PTPRG: variants seen among roughly 807,000 people sequenced by gnomAD.
PTPRG encodes the protein receptor-type tyrosine-protein phosphatase gamma.
PTPRG carries 102 observed loss-of-function variants against 165.3 expected under a neutral mutation model. The ratio of observed to expected loss-of-function variants is 0.62; its 90% CI spans 0.53 to 0.73. The LOEUF is 0.73. Ranked by LOEUF, PTPRG falls within the 30% of genes least tolerant of loss-of-function variation. The pLI is 0.00. For synonymous variants in PTPRG, 675 were observed against 669.5 expected, an observed-to-expected ratio of 1.01 and a Z score of -0.13; for missense variants, 1,866 against 1,861.4, an observed-to-expected ratio of 1.00 and a Z score of -0.05.
chr3:61,967,240 G>A (rs1013021778), intron 2 of PTPRG, among the ~76,000 whole-genome samples: 4 of 152,290 alleles, frequency 2.6e-5, no homozygotes, highest in Middle Eastern at 3.4e-3. Context: ...CGCACATCTG[G>A]TTGGGAGATG....
chr3:62,294,425 C>T lies in PTPRG; in HGVS notation c.*1118C>T, dbSNP rs1702998002. 1.3e-5 allele frequency: 2 copies of T among 152,200 alleles called. No homozygotes were observed. The highest frequency in any genetic ancestry group is 4.8e-5 in the African/African-American group (2 of 41,536). The allele number at this position is 152,200 out of a possible 1,614,324, so 9.4% of individuals were successfully genotyped here. On this transcript the variant is annotated 3_prime_UTR_variant, in exon 30 of 30. Coordinates refer to ENST00000474889, the MANE Select transcript of PTPRG (RefSeq NM_002841.4). ...TCTTGGGACTATCTAAACTCCCACA[C>T]ATAGATAAATCTGATTTGGAGAGAG...
At chr3:61,996,463 G>A (rs920072830) in intron 3 of PTPRG, among the ~76,000 whole-genome samples, 1 of 152,098 alleles carries the variant, frequency 6.6e-6, no homozygotes, top group Non-Finnish European at 1.5e-5. Flanking sequence ...TGGCACTGAT[G>A]AATAGGTCAT....
chr3:62,159,586 G>A (rs1704668902), intron 7 of PTPRG, among the ~76,000 whole-genome samples: 1 of 152,124 alleles, frequency 6.6e-6, no homozygotes, highest in Non-Finnish European at 1.5e-5. Context: ...CTGAGAAAGT[G>A]CTTTTTAAAT....
At chr3:61,621,218 T>C (rs964360251) in intron 1 of PTPRG, among the ~76,000 whole-genome samples, 2 of 152,090 alleles carry the variant, frequency 1.3e-5, no homozygotes, top group African/African-American at 4.8e-5. Flanking sequence ...AATTGTCTTA[T>C]GCACCCCTGG....
chr3:62,236,549 C>G (rs1192224091), intron 14 of PTPRG, among the ~76,000 whole-genome samples: 1 of 152,166 alleles, frequency 6.6e-6, no homozygotes, highest in African/African-American at 2.4e-5. Context: ...GTGTGTAAAT[C>G]AGTTAAGATT....
intron 2 of PTPRG, among the ~76,000 whole-genome samples, chr3:61,773,167 G>A (rs113596109): frequency 2.0e-5 from 3 of 152,288 alleles, no homozygotes; most frequent in African/African-American, 7.2e-5. Flanking sequence ...GGGGTTGAAT[G>A]TATGCAATAA....
chr3:62,263,299 C>A, intron 17 of PTPRG: 1 of 182,106 alleles, frequency 5.5e-6, no homozygotes, highest in Non-Finnish European at 1.1e-5. Flanking sequence ...TCAAAGCATT[C>A]TTTCAAAGAC....
At chr3:62,218,601 C>T (rs1700569955) in intron 12 of PTPRG, among the ~76,000 whole-genome samples, 1 of 152,168 alleles carries the variant, frequency 6.6e-6, no homozygotes, top group African/African-American at 2.4e-5. Flanking sequence ...TCTAAAAACA[C>T]CTTCAACTGT....
At chr3:61,834,031 G>C (rs937722963) in intron 2 of PTPRG, among the ~76,000 whole-genome samples, 1 of 152,178 alleles carries the variant, frequency 6.6e-6, no homozygotes, top group Non-Finnish European at 1.5e-5. Flanking sequence ...ATGGAGGTCA[G>C]CTTAGGATTT....
intron 5 of PTPRG, among the ~76,000 whole-genome samples, chr3:62,112,766 A>G (rs571425904): frequency 1.3e-5 from 2 of 152,194 alleles, no homozygotes; most frequent in African/African-American, 4.8e-5. Flanking sequence ...AAACATTACC[A>G]TCTCCCTAAG....
chr3:61,683,994 G>A (rs895217650), intron 1 of PTPRG, among the ~76,000 whole-genome samples: 1 of 152,304 alleles, frequency 6.6e-6, no homozygotes, highest in Middle Eastern at 3.4e-3. Context: ...CCATGGTACC[G>A]TAGGGCAAGC....
intron 1 of PTPRG, among the ~76,000 whole-genome samples, chr3:61,640,754 T>C (rs1702038846): frequency 6.6e-6 from 1 of 152,250 alleles, no homozygotes; most frequent in Non-Finnish European, 1.5e-5. Context: ...AATGTAGTAA[T>C]TTAATCAAGA....
intron 2 of PTPRG, among the ~76,000 whole-genome samples, chr3:61,970,188 G>A (rs2040351718): frequency 2.6e-5 from 4 of 152,168 alleles, no homozygotes; most frequent in Admixed American, 2.6e-4. Context: ...TTTACCCAGA[G>A]TAGGGTACCT....
intron 1 of PTPRG, among the ~76,000 whole-genome samples, chr3:61,714,798 T>G (rs925749297): frequency 2.0e-5 from 3 of 152,228 alleles, no homozygotes; most frequent in African/African-American, 7.2e-5. Flanking sequence ...TCCCTACCTC[T>G]GAACTGTATT....
intron 1 of PTPRG, among the ~76,000 whole-genome samples, chr3:61,711,193 C>T (rs1575603535): frequency 6.6e-6 from 1 of 152,252 alleles, no homozygotes; most frequent in South Asian, 2.1e-4. Context: ...TGGGTTGGTT[C>T]CAAGTCTTTG....
At chr3:61,577,900 G>A (rs1479529230) in intron 1 of PTPRG, among the ~76,000 whole-genome samples, 1 of 152,212 alleles carries the variant, frequency 6.6e-6, no homozygotes, top group Non-Finnish European at 1.5e-5. Flanking sequence ...GGTATGTTAG[G>A]ATAGCAGGTT....
At chr3:62,011,467 T>C (rs981463913) in intron 4 of PTPRG, among the ~76,000 whole-genome samples, 3 of 152,122 alleles carry the variant, frequency 2.0e-5, no homozygotes, top group South Asian at 2.1e-4. Context: ...AGCGTGGACG[T>C]GTTAGAGAGA....
chr3:61,959,174 A>T (rs1389050126), intron 2 of PTPRG, among the ~76,000 whole-genome samples: 1 of 152,172 alleles, frequency 6.6e-6, no homozygotes, highest in Non-Finnish European at 1.5e-5. Context: ...ATGACTAGTT[A>T]TGTGTTCCAA....
Position 62,206,912 on chromosome 3 carries a change from CAAAAAAAAA to C in PTPRG, c.2155+2981_2155+2989del, listed in dbSNP as rs556974355. Among the ~76,000 whole-genome samples the C allele has an allele frequency of 7.0e-3, 260 of 37,334 alleles. 2 individuals carry two copies. Among genetic ancestry groups the C allele is most frequent in the African/African-American group, 0.017 (237 of 14,090 alleles). 24.5% of individuals were successfully genotyped at this position (37,334 alleles called of 152,430 possible). A position where few individuals can be genotyped will look rare whatever the true frequency, so the allele number is the denominator to read the frequency against. ...CCACTGACAGAGCAAGACTCTGTCT[CAAAAAAAAA>C]AAAAAAAAAAAAAAAAAAGAAGGAC... On this transcript the variant is annotated intron_variant, in intron 12 of 29. Coordinates refer to ENST00000474889, the MANE Select transcript of PTPRG (RefSeq NM_002841.4).
Sources: allele counts gnomAD v4.1 joint callset (sites outside exome capture counted in the v4.1 genomes callset), GRCh38; gene constraint gnomAD v4.1.1; transcripts MANE v1.5; gene names NCBI Gene and HGNC (gene_info 2026-07-23, HGNC 2026-07-21).